The following TROAP variants were observed in gnomAD, a reference collection of about 807,000 sequenced individuals.
The protein encoded by TROAP is tastin.
A neutral mutation model predicts 83.4 loss-of-function variants in TROAP; 62 were observed. The ratio of observed to expected loss-of-function variants is 0.74; its 90% confidence interval spans 0.61 to 0.92. The LOEUF is 0.92. TROAP is among the 40% of genes least tolerant of loss of function. The pLI, the probability that TROAP is intolerant of heterozygous loss-of-function variation, is 0.00. For missense variants in TROAP, 876 were observed against 985.1 expected, an observed-to-expected ratio of 0.89 and a Z score of 1.48; for synonymous variants, 352 against 386.4, an observed-to-expected ratio of 0.91 and a Z score of 1.04.
Position 49,330,380 on chromosome 12 carries a change from C to T in TROAP, c.1535C>T (p.Pro512Leu), listed in dbSNP as rs745555885. Residue 512 changes from proline to leucine, a missense_variant, in exon 13 of 15, where the codon CCA becomes CTA. Physicochemically the swap from Pro to Leu is moderately conservative, Grantham distance 98. Around this residue, in one of 3 missense-constraint regions of TROAP, gnomAD observed 689 missense variants for 722.6 expected, o/e 0.95. Transcript: ENST00000257909. Reference protein sequence around the residue: ...KPCLPEECGEPQPCPPAEPGP... With the variant: ...KPCLPEECGELQPCPPAEPGP... ...TGTCTTCCAGAGGAGTGCGGGGAACCACAGCCCTGCCCTCCGGCAGAGCCT... is the reference window on the plus strand; with the variant it reads ...TGTCTTCCAGAGGAGTGCGGGGAACTACAGCCCTGCCCTCCGGCAGAGCCT... 3 of 1,614,188 alleles carry T rather than the reference C, an allele frequency of 1.9e-6. No individual in the cohort carries two copies. In the South Asian group the frequency reaches 3.3e-5, roughly 18 times the overall value.
chr12:49,323,831 G>T lies in TROAP; in HGVS notation c.145-14G>T, dbSNP rs760033881. 5.0e-6 allele frequency: 8 copies of T among 1,613,664 alleles called. No individual in the cohort carries two copies. The highest frequency in any genetic ancestry group is 3.3e-4 in the Middle Eastern group (2 of 6,062). On this transcript the variant is annotated splice_polypyrimidine_tract_variant and intron_variant, in intron 2 of 14. Coordinates refer to ENST00000257909, the MANE Select transcript of TROAP (RefSeq NM_005480.4). ...CACTAAACCTCACCTTTTTGTCCCC[G>T]CTCCCTCCCCTAGAGATGGGTGCAG...
At position 49,323,698 on chromosome 12, in the gene TROAP, G is replaced by C; in HGVS notation, c.90G>C (p.Thr30=). ...TTCCGGTACGCTCTCAGAAACGCAC[G>C]CCTTTCCCCACTGTTACATCGTGCG... ...SKIPVRSQKR[T]PFPTVTSCAV... The change falls in exon 2 of 15, where the codon ACG becomes ACC. Residue 30 remains threonine (T), a synonymous_variant. Coordinates refer to ENST00000257909, the MANE Select transcript of TROAP (RefSeq NM_005480.4). The C allele has an allele frequency of 6.2e-7, 1 of 1,614,092 alleles. No homozygotes were observed. Among genetic ancestry groups the C allele is most frequent in the South Asian group, 1.1e-5 (1 of 91,076 alleles).
At position 49,328,970 on chromosome 12, in the gene TROAP, C is replaced by T; in HGVS notation, c.935C>T (p.Ala312Val). Residue 312 changes from alanine to valine, a missense_variant, in exon 9 of 15, where the codon GCC becomes GTC. By Grantham distance (64) the Ala-to-Val change is moderately conservative (BLOSUM62 0). Transcript: ENST00000257909. ...CTGATGCCCTCCCCTGCCCCTGTGG[C>T]CCAGCCCTTGCCTGGCCATGTGGTG... is the stretch of plus-strand genomic sequence containing the variant. ...SHLMPSPAPV[A>V]QPLPGHVVPC... The T allele has an allele frequency of 6.2e-7, 1 of 1,606,084 alleles. No homozygotes were observed. Among genetic ancestry groups the T allele is most frequent in the Non-Finnish European group, 8.5e-7 (1 of 1,174,914 alleles).
intron 8 of TROAP, 63 bp from the exon 9 acceptor site, chr12:49,328,863 CA>C (rs35700294): frequency 0.019 from 18,341 of 979,470 alleles, no homozygotes; most frequent in South Asian, 0.048. Context: ...GACTCCGTAT[CA>C]AAAAAAAAAA....
Position 49,323,921 on chromosome 12 carries a change from A to C in TROAP, c.221A>C (p.His74Pro). The part of the protein sequence containing the change: ...DSAGPRPKAR[H>P]QAETSQRLVG... ...GCAGGCCCCAGGCCGAAAGCCAGGC[A>C]CCAGGCAGAGACATCACAAAGATTG... Residue 74 changes from histidine (H) to proline (P), a missense_variant, in exon 3 of 15, where the codon CAC becomes CCC. His to Pro is a moderately conservative substitution (Grantham distance 77). Around this residue, in one of 3 missense-constraint regions of TROAP, gnomAD observed 689 missense variants for 722.6 expected, o/e 0.95. Coordinates refer to ENST00000257909, the MANE Select transcript of TROAP (RefSeq NM_005480.4). The C allele has an allele frequency of 3.1e-6, 5 of 1,614,120 alleles. No individual in the cohort carries two copies. Among genetic ancestry groups the C allele is most frequent in the Non-Finnish European group, 2.5e-6 (3 of 1,180,034 alleles).
In TROAP at chr12:49,329,217, C is replaced by T. The variant is rs2230551; in HGVS notation, c.1077C>T (p.Pro359=). 1,239 of 1,614,202 alleles carry T rather than the reference C, an allele frequency of 7.7e-4. 12 individuals are homozygous for T. In the African/African-American group the frequency reaches 0.015, roughly 20 times the overall value. Residue 359 remains proline (P), a synonymous_variant, in exon 10 of 15, where the codon CCC becomes CCT. Coordinates refer to ENST00000257909, the MANE Select transcript of TROAP (RefSeq NM_005480.4). This position sits in a 1 kb window ranked among gnomAD's most constrained non-coding sequence, Gnocchi z 4.5. Reference sequence around the variant, plus strand: ...TTCAACCTAAAACCCGGTTCACACCCATGCCATCAACCCCCAGAGTTCAGC... The same window carrying T: ...TTCAACCTAAAACCCGGTTCACACCTATGCCATCAACCCCCAGAGTTCAGC... ...LTVQPKTRFT[P]MPSTPRVQQA...
rs776689000 is a variant in TROAP, at chr12:49,325,605, G to T, written c.442G>T (p.Ala148Ser). Residue 148 changes from alanine to serine, a missense_variant, in exon 4 of 15, where the codon GCT (alanine) becomes TCT (serine). Ala to Ser is a moderately conservative substitution (Grantham distance 99). Around this residue, in one of 3 missense-constraint regions of TROAP, gnomAD observed 689 missense variants for 722.6 expected, o/e 0.95. Transcript: ENST00000257909. Reference protein sequence around the residue: ...SCHLGRQPSLAKRVLVRGSQG... With the variant: ...SCHLGRQPSLSKRVLVRGSQG... ...TCACCTGGGGCGCCAGCCTAGTCTG[G>T]CTAAAAGAGTACTGGTTCGAGGAAG... is the stretch of plus-strand genomic sequence containing the variant. 3.1e-6 allele frequency: 5 copies of T among 1,613,958 alleles called. No individual in the cohort carries two copies. In the South Asian group the frequency reaches 5.5e-5, roughly 18 times the overall value.
At position 49,329,139 on chromosome 12, in the gene TROAP, A is replaced by C. The variant is rs758282506; in HGVS notation, c.1021-22A>C. 6.2e-7 allele frequency: 1 copy of C among 1,614,122 alleles called. No individual in the cohort carries two copies. The highest frequency in any genetic ancestry group is 8.5e-7 in the Non-Finnish European group (1 of 1,180,020). On this transcript the variant is annotated intron_variant, in intron 9 of 14. Coordinates refer to ENST00000257909, the MANE Select transcript of TROAP (RefSeq NM_005480.4). The surrounding 1 kb of genome is among the most constrained non-coding windows in gnomAD (Gnocchi z 4.5). ...CTATGTCTGGGTTTTGTCCCTGCTC[A>C]GCCACCCACATCTCTCCCCAGACCT...
rs770732326 is a variant in TROAP, at chr12:49,329,157, C to T, written c.1021-4C>T. On this transcript the variant is annotated splice_region_variant and splice_polypyrimidine_tract_variant and intron_variant, in intron 9 of 14. Transcript: ENST00000257909. This position sits in a 1 kb window ranked among gnomAD's most constrained non-coding sequence, Gnocchi z 4.5. ...CCTGCTCAGCCACCCACATCTCTCCCCAGACCTCATATTCAGTGTTGCGGC... is the reference window on the plus strand; with the variant it reads ...CCTGCTCAGCCACCCACATCTCTCCTCAGACCTCATATTCAGTGTTGCGGC... The T allele has an allele frequency of 6.2e-7, 1 of 1,614,062 alleles. No individual in the cohort carries two copies. The highest frequency in any genetic ancestry group is 1.1e-5 in the South Asian group (1 of 91,088).
rs375522689 is a variant in TROAP, at chr12:49,329,358, G to T, written c.1105-37G>T. 1 of 1,613,408 alleles carries T rather than the reference G, an allele frequency of 6.2e-7. No individual in the cohort carries two copies. Among genetic ancestry groups the T allele is most frequent in the South Asian group, 1.1e-5 (1 of 91,000 alleles). The stretch of plus-strand genomic sequence containing the variant: ...AAGGGGAGGCTGAGTGCCATCTGTG[G>T]GTGTCAGCCCTTGCTGACATCTCAC... On this transcript the variant is annotated intron_variant, in intron 10 of 14. Coordinates refer to ENST00000257909, the MANE Select transcript of TROAP (RefSeq NM_005480.4). This position sits in a 1 kb window ranked among gnomAD's most constrained non-coding sequence, Gnocchi z 4.5.
rs11835303 is a variant in TROAP, at chr12:49,329,798, G to A, written c.1165-59G>A. 0.15 allele frequency: 236,608 copies of A among 1,591,318 alleles called. 18,760 individuals are homozygous for A. Among genetic ancestry groups the A allele is most frequent in the African/African-American group, 0.24 (17,594 of 74,620 alleles). ...CCATTCCTCATGAGGGTGGGACTCA[G>A]GCTGGTCTTTCTCCTGCCCCAGCCT... On this transcript the variant is annotated intron_variant, in intron 11 of 14. Coordinates refer to ENST00000257909, the MANE Select transcript of TROAP (RefSeq NM_005480.4). This position sits in a 1 kb window ranked among gnomAD's most constrained non-coding sequence, Gnocchi z 4.5.
Position 49,329,839 on chromosome 12 carries a change from C to G in TROAP, c.1165-18C>G, listed in dbSNP as rs756121875. ...GCCCCAGCCTGGCTTGCTTGTGTGCCTTGTTCCTTGGTGACAGGAGCAGGT... is the reference window on the plus strand; with the variant it reads ...GCCCCAGCCTGGCTTGCTTGTGTGCGTTGTTCCTTGGTGACAGGAGCAGGT... On this transcript the variant is annotated intron_variant, in intron 11 of 14. Transcript: ENST00000257909. The surrounding 1 kb of genome is among the most constrained non-coding windows in gnomAD (Gnocchi z 4.5). The G allele has an allele frequency of 6.2e-7, 1 of 1,612,796 alleles. No individual in the cohort carries two copies. Among genetic ancestry groups the G allele is most frequent in the East Asian group, 2.2e-5 (1 of 44,856 alleles).
At chr12:49,326,634 A>G in intron 6 of TROAP, 34 bp from the exon 7 acceptor site, 1 of 1,548,776 alleles carries the variant, frequency 6.5e-7, no homozygotes, top group Non-Finnish European at 8.7e-7. Context: ...CTTGGTATTC[A>G]GTGACTGCTG....
At position 49,330,946 on chromosome 12, in the gene TROAP, A is replaced by G; in HGVS notation, c.2098+3A>G. 1 of 1,610,104 alleles carries G rather than the reference A, an allele frequency of 6.2e-7. No homozygotes were observed. Among genetic ancestry groups the G allele is most frequent in the South Asian group, 1.1e-5 (1 of 91,084 alleles). On this transcript the variant is annotated splice_donor_region_variant and intron_variant, in intron 13 of 14. Transcript: ENST00000257909. ...GAGACCCCCAGCAGGCCAGGCAGGT[A>G]AGGAGTTGGCTGGGAAGGAGTGTGA... is the stretch of plus-strand genomic sequence containing the variant.
rs1212937797 is a variant in TROAP, at chr12:49,324,206, C to G, written c.337+169C>G. The G allele has an allele frequency of 3.1e-6, 5 of 1,613,976 alleles. No individual in the cohort carries two copies. In the East Asian group the frequency reaches 1.1e-4, roughly 36 times the overall value. On this transcript the variant is annotated intron_variant, in intron 3 of 14. Coordinates refer to ENST00000257909, the MANE Select transcript of TROAP (RefSeq NM_005480.4). ...TTTGCTCTTAGAAGATCTCCCTTTCCTCCAGCAAAATGTCATCTCGCCAGG... is the reference window on the plus strand; with the variant it reads ...TTTGCTCTTAGAAGATCTCCCTTTCGTCCAGCAAAATGTCATCTCGCCAGG...
chr12:49,328,962 C>A lies in TROAP; in HGVS notation c.927C>A (p.Ala309=), dbSNP rs774106335. ...SHDSHLMPSP[A]PVAQPLPGHV... ...ACTCCCACCTGATGCCCTCCCCTGC[C>A]CCTGTGGCCCAGCCCTTGCCTGGCC... is the stretch of plus-strand genomic sequence containing the variant. Residue 309 remains alanine, a synonymous_variant, in exon 9 of 15, where the codon GCC becomes GCA. Coordinates refer to ENST00000257909, the MANE Select transcript of TROAP (RefSeq NM_005480.4). 1 of 1,601,350 alleles carries A rather than the reference C, an allele frequency of 6.2e-7. No individual in the cohort carries two copies. The highest frequency in any genetic ancestry group is 2.2e-5 in the East Asian group (1 of 44,718).
At chr12:49,325,354 C>G (rs1177613373) in intron 3 of TROAP, 147 bp from the exon 4 acceptor site, 5 of 802,492 alleles carry the variant, frequency 6.2e-6, no homozygotes, top group Non-Finnish European at 9.3e-6. Context: ...CTGCACCCAG[C>G]CATCTATTTC....
chr12:49,330,773 C>T lies in TROAP; in HGVS notation c.1928C>T (p.Ala643Val), dbSNP rs1943568654. 6.2e-7 allele frequency: 1 copy of T among 1,613,916 alleles called. No homozygotes were observed. The highest frequency in any genetic ancestry group is 1.3e-5 in the African/African-American group (1 of 74,888). Residue 643 changes from alanine to valine, a missense_variant, in exon 13 of 15, where the codon GCA (alanine) becomes GTA (valine). Ala to Val is a moderately conservative substitution (Grantham distance 64). Coordinates refer to ENST00000257909, the MANE Select transcript of TROAP (RefSeq NM_005480.4). ...PGPCPRVELG[A>V]SEPCTLEHRS... Reference sequence around the variant, plus strand: ...CCCTGCCCTAGGGTAGAGCTGGGGGCATCAGAGCCCTGCACCCTGGAACAT... The same window carrying T: ...CCCTGCCCTAGGGTAGAGCTGGGGGTATCAGAGCCCTGCACCCTGGAACAT...
chr12:49,329,618 A>C lies in TROAP; in HGVS notation c.1164+164A>C, dbSNP rs1479034363. 2.6e-5 allele frequency: 26 copies of C among 1,007,982 alleles called. No individual in the cohort carries two copies. The highest frequency in any genetic ancestry group is 3.6e-5 in the Non-Finnish European group (25 of 687,694). 62.4% of individuals were successfully genotyped at this position (1,007,982 alleles called of 1,614,324 possible). A position where few individuals can be genotyped will look rare whatever the true frequency, so the allele number is the denominator to read the frequency against. ...AGGTAGGAGGATTGCTTGAGCTCAG[A>C]TCTTTGAGACCAGCCTGGGCAACAT... On this transcript the variant is annotated intron_variant, in intron 11 of 14. Transcript: ENST00000257909. The surrounding 1 kb of genome is among the most constrained non-coding windows in gnomAD (Gnocchi z 4.5).
Sources: allele counts gnomAD v4.1 joint callset, GRCh38; gene constraint gnomAD v4.1.1; regional missense constraint gnomAD v4.1.1; non-coding constraint Gnocchi (gnomAD v3.1); transcripts MANE v1.5; gene names NCBI Gene and HGNC (gene_info 2026-07-23, HGNC 2026-07-21).